CR2: variants seen among roughly 807,000 people sequenced by gnomAD.
CR2 encodes the protein complement C3d receptor 2, also known as complement receptor type 2.
Under a neutral mutation model 123.0 loss-of-function variants are expected in CR2, and 96 were observed. The observed-to-expected ratio is 0.78, with a 90% CI of 0.66 to 0.93. The LOEUF is 0.93. Among genes scored for constraint, CR2 ranks in the 40% least tolerant of loss-of-function variants. The probability of loss-of-function intolerance (pLI) is 0.00; values close to 1 mark genes in which losing one functional copy is unlikely to be tolerated. For synonymous variants in CR2, 484 were observed against 469.5 expected, an observed-to-expected ratio of 1.03 and a Z score of -0.40; for missense variants, 1,258 against 1,361.0, an observed-to-expected ratio of 0.92 and a Z score of 1.19.
intron 14 of CR2, among the ~76,000 whole-genome samples, chr1:207,475,657 A>G (rs1181159711): frequency 6.6e-6 from 1 of 152,208 alleles, no homozygotes; most frequent in East Asian, 1.9e-4. Context: ...TGTAGTTATC[A>G]TTTGGCAGCC....
At chr1:207,480,818 A>C (rs1008073946) in intron 18 of CR2, among the ~76,000 whole-genome samples, 1 of 152,098 alleles carries the variant, frequency 6.6e-6, no homozygotes, top group African/African-American at 2.4e-5. Flanking sequence ...TTATGTTATT[A>C]TATCTGGTAG....
chr1:207,480,975 A>T (rs1398154452), intron 18 of CR2, among the ~76,000 whole-genome samples: 1 of 152,016 alleles, frequency 6.6e-6, no homozygotes, highest in Non-Finnish European at 1.5e-5. Flanking sequence ...AGAAATTGGC[A>T]TCTTTTCTGT....
chr1:207,462,572 A>G (rs938937200), intron 1 of CR2, among the ~76,000 whole-genome samples: 1 of 152,220 alleles, frequency 6.6e-6, no homozygotes, highest in African/African-American at 2.4e-5. Context: ...TGTTTTAGAA[A>G]GATAAATGTG....
chr1:207,488,650 A>C, intron 19 of CR2, among the ~76,000 whole-genome samples: 1 of 151,936 alleles, frequency 6.6e-6, no homozygotes, highest in Admixed American at 6.6e-5. Context: ...AAAATATACC[A>C]CCTCTGTCCT....
intron 1 of CR2, among the ~76,000 whole-genome samples, chr1:207,455,707 CT>C (rs1424055273): frequency 6.6e-6 from 1 of 152,166 alleles, no homozygotes; most frequent in African/African-American, 2.4e-5. Context: ...TATATTCACA[CT>C]TTTTCTAAGA....
intron 1 of CR2, among the ~76,000 whole-genome samples, chr1:207,459,250 G>A (rs1657909921): frequency 6.6e-6 from 1 of 151,974 alleles, no homozygotes; most frequent in South Asian, 2.1e-4. Flanking sequence ...GATAGTTTGG[G>A]TTAACAGGTA....
chr1:207,460,655 C>T (rs974220699), intron 1 of CR2, among the ~76,000 whole-genome samples: 1 of 152,094 alleles, frequency 6.6e-6, no homozygotes, highest in African/African-American at 2.4e-5. Context: ...GAAACTTGAG[C>T]TCGTTCTCAT....
intron 18 of CR2, among the ~76,000 whole-genome samples, chr1:207,482,810 G>GA (rs983988705): frequency 3.4e-4 from 52 of 152,252 alleles, no homozygotes; most frequent in African/African-American, 1.2e-3. Context: ...CAGACAGAAA[G>GA]AGCAGTTTGA....
Position 207,468,902 on chromosome 1 carries a change from G to T in CR2, c.734+3G>T. 6.2e-7 allele frequency: 1 copy of T among 1,613,080 alleles called. No homozygotes were observed. The highest frequency in any genetic ancestry group is 1.1e-5 in the South Asian group (1 of 91,068). ...GCAAACTTTTTCTGTGATGAAGGGT[G>T]AGTGTCAGGATTATTTATGAGATTT... On this transcript the variant is annotated splice_donor_region_variant and intron_variant, in intron 4 of 19. Coordinates refer to ENST00000367057, the MANE Select transcript of CR2 (RefSeq NM_001006658.3).
chr1:207,467,740 C>G (rs1658143453), intron 2 of CR2, among the ~76,000 whole-genome samples: 1 of 152,152 alleles, frequency 6.6e-6, no homozygotes, highest in Admixed American at 6.5e-5. Flanking sequence ...AGGGCAATGG[C>G]TGCTGAAAAC....
chr1:207,482,045 G>A (rs888154130), intron 18 of CR2, among the ~76,000 whole-genome samples: 2 of 151,834 alleles, frequency 1.3e-5, no homozygotes, highest in Non-Finnish European at 2.9e-5. Context: ...AGGGAATATT[G>A]GCATATTTTA....
chr1:207,485,611 A>C (rs779833773), intron 19 of CR2, 39 bp downstream of exon 19: 7 of 1,217,018 alleles, frequency 5.8e-6, no homozygotes, highest in Non-Finnish European at 8.5e-6. Context: ...TTACATATAA[A>C]ATTTCCTTCA....
At chr1:207,482,162 GT>G (rs1448473868) in intron 18 of CR2, among the ~76,000 whole-genome samples, 2 of 151,972 alleles carry the variant, frequency 1.3e-5, no homozygotes. Flanking sequence ...CACAAAAGTT[GT>G]TTTTCCCTAT....
chr1:207,472,715 T>C, intron 9 of CR2, 57 bp from the exon 10 acceptor site: 1 of 1,565,946 alleles, frequency 6.4e-7, no homozygotes. Flanking sequence ...GGTGGTTCTT[T>C]GTTCTTTGGT....
intron 13 of CR2, 41 bp downstream of exon 13, chr1:207,474,364 G>A (rs1658376001): frequency 2.1e-6 from 3 of 1,397,002 alleles, no homozygotes; most frequent in African/African-American, 1.4e-5. Context: ...GGTAATGGAG[G>A]ATTAGAGAGG....
At position 207,454,343 on chromosome 1, in the gene CR2, C is replaced by T; in HGVS notation, c.-76C>T. On this transcript the variant is annotated 5_prime_UTR_variant, in exon 1 of 20. Coordinates refer to ENST00000367057, the MANE Select transcript of CR2 (RefSeq NM_001006658.3). This position sits in a 1 kb window ranked among gnomAD's most constrained non-coding sequence, Gnocchi z 4.3. ...CCTGGCTCACAGCTGCTTGCTGCTC[C>T]AGCCTTGCCCTCCCAGAGCTGCCGG... The T allele has an allele frequency of 7.7e-7, 1 of 1,298,372 alleles. No homozygotes were observed. The highest frequency in any genetic ancestry group is 1.3e-5 in the South Asian group (1 of 79,450). 80.4% of individuals were successfully genotyped at this position (1,298,372 alleles called of 1,614,324 possible).
At position 207,454,466 on chromosome 1, in the gene CR2, G is replaced by A; in HGVS notation, c.48G>A (p.Pro16=). The A allele has an allele frequency of 1.3e-6, 2 of 1,571,134 alleles. No homozygotes were observed. The highest frequency in any genetic ancestry group is 1.7e-6 in the Non-Finnish European group (2 of 1,163,946). The change falls in exon 1 of 20, where the codon CCG becomes CCA. Residue 16 remains proline, a synonymous_variant. Transcript: ENST00000367057. The surrounding 1 kb of genome is among the most constrained non-coding windows in gnomAD (Gnocchi z 4.3). ...LLGVFLALVA[P]GVLGISCGSP... is the part of the protein sequence containing the mutation. ...GGGTTTTCTTGGCTCTCGTCGCACC[G>A]GGGGTCCTCGGTGAGCTGGGAGGGG...
Position 207,458,077 on chromosome 1 carries a change from C to CACACATACACACACACACACACACAT in CR2, c.58+3606_58+3607insTACACACACACACACACACATACACA, listed in dbSNP as rs1553278528. Among the ~76,000 whole-genome samples the CACACATACACACACACACACACACAT allele has an allele frequency of 2.1e-3, 311 of 150,192 alleles. 1 individual carries two copies. Among genetic ancestry groups the CACACATACACACACACACACACACAT allele is most frequent in the African/African-American group, 7.5e-3 (304 of 40,718 alleles). On this transcript the variant is annotated intron_variant, in intron 1 of 19. Transcript: ENST00000367057. ...AGGCCACAACACACACACACACACA[C>CACACATACACACACACACACACACAT]ACACACACACACACACACACACTCC...
In CR2 at chr1:207,471,098, G is replaced by C. The variant is rs375667838; in HGVS notation, c.1493+11G>C. The C allele has an allele frequency of 6.2e-7, 1 of 1,613,216 alleles. No homozygotes were observed. The highest frequency in any genetic ancestry group is 8.5e-7 in the Non-Finnish European group (1 of 1,179,610). Reference sequence around the variant, plus strand: ...TTCTTGTGGTGAAGGGTGAGTGAAGGCTGACTTAGTCTGACCCAATTCCGG... The same window carrying C: ...TTCTTGTGGTGAAGGGTGAGTGAAGCCTGACTTAGTCTGACCCAATTCCGG... On this transcript the variant is annotated intron_variant, in intron 8 of 19. Transcript: ENST00000367057.
Sources: allele counts gnomAD v4.1 joint callset (sites outside exome capture counted in the v4.1 genomes callset), GRCh38; gene constraint gnomAD v4.1.1; non-coding constraint Gnocchi (gnomAD v3.1); transcripts MANE v1.5; gene names NCBI Gene and HGNC (gene_info 2026-07-23, HGNC 2026-07-21).